Variants in CAMKMT observed in about 807,000 individuals in gnomAD.
The protein encoded by CAMKMT is calmodulin-lysine N-methyltransferase.
CAMKMT carries 53 observed loss-of-function variants against 48.0 expected under a neutral mutation model. That is an observed-to-expected ratio of 1.10 (90% CI 0.89 to 1.39). The LOEUF is 1.39. Among genes scored for constraint, CAMKMT ranks in the 40% most tolerant of loss-of-function variants. The probability of loss-of-function intolerance (pLI) is 0.00; values close to 1 mark genes in which losing one functional copy is unlikely to be tolerated. For synonymous variants in CAMKMT, 165 were observed against 152.3 expected (o/e 1.08, Z -0.61); for missense variants, 428 against 402.7 (o/e 1.06, Z -0.54).
chr2:44,708,436 G>A (rs1006888885), intron 6 of CAMKMT, among the ~76,000 whole-genome samples: 3 of 151,866 alleles, frequency 2.0e-5, no homozygotes, highest in Middle Eastern at 3.4e-3. Context: ...AAGGAGGAAC[G>A]AGAAGCACAG....
chr2:44,508,850 C>G (rs921662785), intron 3 of CAMKMT, among the ~76,000 whole-genome samples: 2 of 152,000 alleles, frequency 1.3e-5, no homozygotes, highest in Non-Finnish European at 2.9e-5. Flanking sequence ...AATCCCAGCA[C>G]TCCGGGAGGC....
intron 3 of CAMKMT, among the ~76,000 whole-genome samples, chr2:44,668,939 G>A (rs1355052981): frequency 6.6e-6 from 1 of 151,682 alleles, no homozygotes. Flanking sequence ...CTGCCACAAC[G>A]CCTGGCTAAT....
intron 2 of CAMKMT, among the ~76,000 whole-genome samples, chr2:44,378,273 G>A (rs540229171): frequency 7.9e-5 from 12 of 151,968 alleles, no homozygotes; most frequent in African/African-American, 2.4e-4. Flanking sequence ...TTTATGTAAC[G>A]TGCTTACATA....
chr2:44,666,504 A>G (rs540419923), intron 3 of CAMKMT, among the ~76,000 whole-genome samples: 1 of 152,286 alleles, frequency 6.6e-6, no homozygotes, highest in South Asian at 2.1e-4. Flanking sequence ...GTGAACAGAC[A>G]GACACCAAGA....
chr2:44,557,559 CCTT>C (rs1668081704), intron 3 of CAMKMT, among the ~76,000 whole-genome samples: 1 of 152,148 alleles, frequency 6.6e-6, no homozygotes, highest in Non-Finnish European at 1.5e-5. Context: ...CTTATTTCTT[CCTT>C]CTTTCCTCCC....
Position 44,447,450 on chromosome 2 carries a change from T to C in CAMKMT, c.376+57145T>C, listed in dbSNP as rs551655966. Among the ~76,000 whole-genome samples, 20 of 152,354 alleles carry C rather than the reference T, an allele frequency of 1.3e-4. No individual in the cohort carries two copies. In the Middle Eastern group the frequency reaches 0.024, roughly 181 times the overall value. ...TAATTGCCATGTTGATATATGTGAA[T>C]GTATCAGTCATAGTGGGATAGGTTA... On this transcript the variant is annotated intron_variant, in intron 3 of 10. Transcript: ENST00000378494.
intron 3 of CAMKMT, among the ~76,000 whole-genome samples, chr2:44,680,905 C>T (rs1041160888): frequency 6.6e-6 from 1 of 152,158 alleles, no homozygotes; most frequent in Non-Finnish European, 1.5e-5. Flanking sequence ...AGTTTCTTTT[C>T]CACCCTAAGT....
At chr2:44,667,002 C>T (rs535740675) in intron 3 of CAMKMT, among the ~76,000 whole-genome samples, 12 of 152,274 alleles carry the variant, frequency 7.9e-5, no homozygotes, top group African/African-American at 2.2e-4. Flanking sequence ...AATCTTTGTA[C>T]AGCAGTCTGG....
intron 3 of CAMKMT, among the ~76,000 whole-genome samples, chr2:44,441,005 A>G (rs1049303155): frequency 2.0e-5 from 3 of 152,150 alleles, no homozygotes; most frequent in Non-Finnish European, 4.4e-5. Context: ...TCATGAAATG[A>G]AAGTTCCTAC....
Position 44,599,898 on chromosome 2 carries a change from T to A in CAMKMT, c.377-104385T>A, listed in dbSNP as rs968191227. Reference sequence around the variant, plus strand: ...AACTAGGAAGCAATTCATTCCAATGTGGGAATTTTTATGAATTTTTCTTCA... The same window carrying A: ...AACTAGGAAGCAATTCATTCCAATGAGGGAATTTTTATGAATTTTTCTTCA... On this transcript the variant is annotated intron_variant, in intron 3 of 10. Transcript: ENST00000378494. Among the ~76,000 whole-genome samples the A allele has an allele frequency of 3.3e-5, 5 of 152,050 alleles. 1 individual carries two copies. Among genetic ancestry groups the A allele is most frequent in the African/African-American group, 1.2e-4 (5 of 41,352 alleles).
At chr2:44,463,163 C>G (rs547039090) in intron 3 of CAMKMT, among the ~76,000 whole-genome samples, 45 of 152,268 alleles carry the variant, frequency 3.0e-4, no homozygotes, top group African/African-American at 1.1e-3. Context: ...TTAAGTTGTT[C>G]CAGTTTGGAT....
intron 3 of CAMKMT, among the ~76,000 whole-genome samples, chr2:44,675,610 G>A (rs1352241010): frequency 2.0e-5 from 3 of 151,982 alleles, no homozygotes; most frequent in African/African-American, 7.2e-5. Context: ...ATCAACCCTA[G>A]GATATAGATA....
At chr2:44,519,046 A>C (rs1438182276) in intron 3 of CAMKMT, among the ~76,000 whole-genome samples, 1 of 152,238 alleles carries the variant, frequency 6.6e-6, no homozygotes, top group Non-Finnish European at 1.5e-5. Flanking sequence ...TTTTAGACCA[A>C]ATGTAATGAA....
intron 3 of CAMKMT, among the ~76,000 whole-genome samples, chr2:44,408,916 A>T (rs2850290): frequency 1.3e-5 from 2 of 150,762 alleles, no homozygotes. Flanking sequence ...TAATATTTGT[A>T]TTTTTTATAG....
intron 4 of CAMKMT, chr2:44,705,584 G>A (rs1677509948): frequency 1.1e-5 from 11 of 966,048 alleles, no homozygotes; most frequent in East Asian, 1.1e-4. Context: ...ACTCTGAGCC[G>A]CTTTACTTTT....
intron 3 of CAMKMT, among the ~76,000 whole-genome samples, chr2:44,630,005 G>T (rs1214368298): frequency 1.3e-5 from 2 of 151,324 alleles, no homozygotes; most frequent in Admixed American, 6.6e-5. Flanking sequence ...ATACTACAAG[G>T]CTACAGTAAC....
intron 3 of CAMKMT, among the ~76,000 whole-genome samples, chr2:44,445,317 T>C (rs1666915805): frequency 6.6e-6 from 1 of 152,062 alleles, no homozygotes; most frequent in Non-Finnish European, 1.5e-5. Flanking sequence ...ACTCACTTCC[T>C]TCTTTCCCTC....
chr2:44,630,607 A>C (rs1374119664), intron 3 of CAMKMT, among the ~76,000 whole-genome samples: 2 of 151,920 alleles, frequency 1.3e-5, no homozygotes, highest in African/African-American at 2.4e-5. Context: ...GACACTTCTC[A>C]AAAGAAGACA....
intron 3 of CAMKMT, among the ~76,000 whole-genome samples, chr2:44,540,530 C>G (rs1297546223): frequency 6.6e-6 from 1 of 152,144 alleles, no homozygotes; most frequent in Non-Finnish European, 1.5e-5. Flanking sequence ...GTGTGCGGAT[C>G]CCTTGAGTTC....
Sources: allele counts gnomAD v4.1 joint callset (sites outside exome capture counted in the v4.1 genomes callset), GRCh38; gene constraint gnomAD v4.1.1; transcripts MANE v1.5; gene names NCBI Gene and HGNC (gene_info 2026-07-23, HGNC 2026-07-21).